The following CLASP2 variants were observed in gnomAD, a reference collection of about 807,000 sequenced individuals.
CLASP2 encodes cytoplasmic linker associated protein 2.
In CLASP2, 47 loss-of-function variants were observed where a neutral mutation model predicts 194.4. The ratio of observed to expected loss-of-function variants is 0.24; its 90% CI spans 0.19 to 0.31. The LOEUF (loss-of-function observed/expected upper bound fraction) is 0.31. CLASP2 is among the 10% of genes least tolerant of loss of function. The pLI is 1.00. For missense variants in CLASP2, 1,445 were observed against 1,823.6 expected (o/e 0.79, Z 3.78); for synonymous variants, 619 against 633.5 (o/e 0.98, Z 0.34).
At chr3:33,613,268 T>C (rs887533196) in intron 12 of CLASP2, among the ~76,000 whole-genome samples, 2 of 152,176 alleles carry the variant, frequency 1.3e-5, no homozygotes, top group Non-Finnish European at 2.9e-5. Context: ...CAAGGCTATC[T>C]TTGCCCAAAA....
chr3:33,717,242 T>C (rs2093338843), intron 1 of CLASP2, among the ~76,000 whole-genome samples: 1 of 151,156 alleles, frequency 6.6e-6, no homozygotes, highest in African/African-American at 2.4e-5. Flanking sequence ...CTTTCACTGA[T>C]TTTTTTTTCA....
intron 6 of CLASP2, among the ~76,000 whole-genome samples, chr3:33,679,745 G>C (rs2089469932): frequency 6.6e-6 from 1 of 152,180 alleles, no homozygotes; most frequent in Admixed American, 6.5e-5. Flanking sequence ...ATCCTGGCGA[G>C]AATGTGAAGC....
At chr3:33,584,723 C>G in intron 22 of CLASP2, 27 bp downstream of exon 22, 1 of 1,501,942 alleles carries the variant, frequency 6.7e-7, no homozygotes, top group South Asian at 1.3e-5. Context: ...TTACATGTCT[C>G]ACATAAAAAA....
intron 13 of CLASP2, among the ~76,000 whole-genome samples, chr3:33,609,926 T>G (rs1371235101): frequency 9.9e-5 from 15 of 152,228 alleles, no homozygotes. Context: ...TTGCTCAAAG[T>G]GATGGAGTTA....
intron 8 of CLASP2, among the ~76,000 whole-genome samples, chr3:33,642,230 A>G (rs2081434933): frequency 6.6e-6 from 1 of 151,938 alleles, no homozygotes; most frequent in Non-Finnish European, 1.5e-5. Context: ...ATCATTGCAG[A>G]TGTGCTGAAA....
chr3:33,569,133 G>C (rs935508683), intron 26 of CLASP2, among the ~76,000 whole-genome samples: 6 of 152,198 alleles, frequency 3.9e-5, no homozygotes, highest in African/African-American at 1.4e-4. Context: ...AGAGAAATCT[G>C]ATGCAATCCT....
At chr3:33,536,690 C>T (rs768197504) in intron 33 of CLASP2, among the ~76,000 whole-genome samples, 1 of 152,124 alleles carries the variant, frequency 6.6e-6, no homozygotes, top group East Asian at 1.9e-4. Context: ...AGGGCATAAT[C>T]AAGGAGGCCA....
intron 26 of CLASP2, among the ~76,000 whole-genome samples, chr3:33,569,953 A>C (rs1237278508): frequency 1.3e-5 from 2 of 152,186 alleles, no homozygotes; most frequent in Non-Finnish European, 2.9e-5. Context: ...AAGAAACAGT[A>C]AAGTGAAATT....
intron 7 of CLASP2, among the ~76,000 whole-genome samples, chr3:33,660,656 G>A (rs2085154755): frequency 6.6e-6 from 1 of 152,140 alleles, no homozygotes; most frequent in Non-Finnish European, 1.5e-5. Flanking sequence ...AGAATATCAG[G>A]TGGAACAAAT....
chr3:33,644,901 T>G lies in CLASP2; in HGVS notation c.718A>C (p.Lys240Gln). 6.3e-7 allele frequency: 1 copy of G among 1,592,082 alleles called. No homozygotes were observed. The highest frequency in any genetic ancestry group is 8.6e-7 in the Non-Finnish European group (1 of 1,167,792). ...GGMILSVCKD[K>Q]SFDDEESVDG... ...ACTGATTCTTCATCATCGAAGCTTT[T>G]ATCTGCACAAAGCATCAGAAAAATG... Residue 240 changes from lysine (K) to glutamine (Q), a missense_variant and splice_region_variant, in exon 8 of 39, where the codon AAA becomes CAA. By Grantham distance (53) the Lys-to-Gln change is moderately conservative (BLOSUM62 1). This residue lies in a region of CLASP2 where 332 missense variants were observed against 325.3 expected (regional missense o/e 1.02). Transcript: ENST00000682230.
intron 8 of CLASP2, among the ~76,000 whole-genome samples, chr3:33,636,506 T>C (rs2154298187): frequency 6.6e-6 from 1 of 152,040 alleles, no homozygotes; most frequent in East Asian, 1.9e-4. Context: ...TAAACAGCAA[T>C]TACAGGTATA....
At chr3:33,617,859 T>C (rs2076442999) in intron 12 of CLASP2, among the ~76,000 whole-genome samples, 1 of 150,328 alleles carries the variant, frequency 6.7e-6, no homozygotes, top group Non-Finnish European at 1.5e-5. Context: ...AAGACAATAT[T>C]GGCAAAGGAA....
intron 7 of CLASP2, among the ~76,000 whole-genome samples, chr3:33,648,487 T>C (rs919727827): frequency 2.6e-5 from 4 of 151,834 alleles, no homozygotes; most frequent in African/African-American, 9.7e-5. Context: ...TTCATATATA[T>C]AAAACAAAAA....
intron 34 of CLASP2, among the ~76,000 whole-genome samples, chr3:33,521,277 C>T (rs2053004194): frequency 6.6e-6 from 1 of 151,842 alleles, no homozygotes; most frequent in African/African-American, 2.4e-5. Context: ...GAATATGTAA[C>T]CTGTTTAAAA....
intron 8 of CLASP2, among the ~76,000 whole-genome samples, chr3:33,636,881 G>A (rs2080244284): frequency 6.6e-6 from 1 of 152,224 alleles, no homozygotes; most frequent in Admixed American, 6.5e-5. Flanking sequence ...GATTACAGGT[G>A]TGAGCCACTA....
intron 34 of CLASP2, among the ~76,000 whole-genome samples, chr3:33,519,644 T>G (rs375937914): frequency 1.9e-3 from 284 of 152,260 alleles, no homozygotes; most frequent in Middle Eastern, 3.4e-3. Flanking sequence ...TGAAAATAGA[T>G]AATAAATGAA....
intron 6 of CLASP2, among the ~76,000 whole-genome samples, chr3:33,666,333 T>C (rs1162057596): frequency 2.0e-5 from 3 of 152,162 alleles, no homozygotes; most frequent in Non-Finnish European, 4.4e-5. Context: ...AATAACCACA[T>C]ACCCATTAGC....
rs546602149 is a variant in CLASP2, at chr3:33,568,101, T to C, written c.2764-1367A>G. 4.0e-4 allele frequency among the ~76,000 whole-genome samples: 61 copies of C among 152,318 alleles called. No individual in the cohort carries two copies. The Middle Eastern group carries it at 0.02, about 51-fold the overall frequency. The stretch of plus-strand genomic sequence containing the variant: ...TAATTTCATCTTCCAAGGGTATAGG[T>C]TCCTGAACATATGTTTCTATTTTAG... On this transcript the variant is annotated intron_variant, in intron 26 of 38. Transcript: ENST00000682230.
chr3:33,610,054 TGTTA>T (rs965260969), intron 13 of CLASP2, among the ~76,000 whole-genome samples: 4 of 152,220 alleles, frequency 2.6e-5, no homozygotes, highest in African/African-American at 7.2e-5. Context: ...GTTTTGAACT[TGTTA>T]ATTAAATAAA....
Sources: allele counts gnomAD v4.1 joint callset (sites outside exome capture counted in the v4.1 genomes callset), GRCh38; gene constraint gnomAD v4.1.1; regional missense constraint gnomAD v4.1.1; transcripts MANE v1.5; gene names NCBI Gene and HGNC (gene_info 2026-07-23, HGNC 2026-07-21).